The following USP24 variants were observed in gnomAD, a reference collection of about 807,000 sequenced individuals.
USP24 encodes ubiquitin carboxyl-terminal hydrolase 24.
A neutral mutation model predicts 361.6 loss-of-function variants in USP24; 97 were observed. That is an observed-to-expected ratio of 0.27 (90% CI 0.23 to 0.32). USP24 has a LOEUF of 0.32. Among genes scored for constraint, USP24 ranks in the 10% least tolerant of loss-of-function variants. The pLI is 1.00. For missense variants in USP24, 2,353 were observed against 3,165.6 expected, an observed-to-expected ratio of 0.74 and a Z score of 6.16; for synonymous variants, 1,098 against 1,124.6, an observed-to-expected ratio of 0.98 and a Z score of 0.47.
At position 55,154,231 on chromosome 1, in the gene USP24, C is replaced by A; in HGVS notation, c.1700G>T (p.Ser567Ile). 1 of 1,613,352 alleles carries A rather than the reference C, an allele frequency of 6.2e-7. No homozygotes were observed. The highest frequency in any genetic ancestry group is 8.5e-7 in the Non-Finnish European group (1 of 1,179,602). ...CTCCTCCAAGGCCTGCTGAATAAGG[C>A]TACTGGGCAGGGTTGGAAGGTGAGC... Reference protein sequence around the residue: ...ELAHLPTLPSSLIQQALEEHL... With the variant: ...ELAHLPTLPSILIQQALEEHL... The change falls in exon 15 of 68, where the codon AGC (serine) becomes ATC (isoleucine). Residue 567 changes from serine (S) to isoleucine (I), a missense_variant. Transcript: ENST00000294383.
At chr1:55,156,806 T>C (rs1264639762) in intron 12 of USP24, 142 bp downstream of exon 12, 5 of 563,204 alleles carry the variant, frequency 8.9e-6, no homozygotes, top group Non-Finnish European at 1.6e-5. Flanking sequence ...AATAAAAACC[T>C]GAAACTGTAA....
Position 55,154,202 on chromosome 1 carries a change from G to A in USP24, c.1729C>T (p.Leu577=). 1.9e-6 allele frequency: 3 copies of A among 1,613,570 alleles called. No homozygotes were observed. Among genetic ancestry groups the A allele is most frequent in the South Asian group, 2.2e-5 (2 of 91,076 alleles). ...GCATATGCATCACTAAGGATTGTCA[G>A]GTGCTCCTCCAAGGCCTGCTGAATA... The part of the protein sequence containing the change: ...SLIQQALEEH[L]TILSDAYAVK... The change falls in exon 15 of 68, where the codon CTG becomes TTG. Residue 577 remains leucine, a synonymous_variant. Coordinates refer to ENST00000294383, the MANE Select transcript of USP24 (RefSeq NM_015306.3).
chr1:55,173,164 A>G (rs748159304), intron 3 of USP24, among the ~76,000 whole-genome samples: 1 of 152,150 alleles, frequency 6.6e-6, no homozygotes, highest in Non-Finnish European at 1.5e-5. Flanking sequence ...TGACTAGATG[A>G]CAGCAGGACT....
At chr1:55,206,055 C>T (rs545912772) in intron 1 of USP24, among the ~76,000 whole-genome samples, 2 of 152,160 alleles carry the variant, frequency 1.3e-5, no homozygotes, top group Non-Finnish European at 2.9e-5. Flanking sequence ...GAACCCTGAA[C>T]AGAAAGGTAC....
intron 24 of USP24, among the ~76,000 whole-genome samples, chr1:55,141,246 T>C (rs979982830): frequency 6.6e-6 from 1 of 152,170 alleles, no homozygotes; most frequent in Non-Finnish European, 1.5e-5. Context: ...TATTTTTAAC[T>C]TGAAAAAAAG....
At chr1:55,098,229 G>T in intron 46 of USP24, 145 bp from the exon 47 acceptor site, 1 of 1,094,426 alleles carries the variant, frequency 9.1e-7, no homozygotes, top group Non-Finnish European at 1.3e-6. Context: ...AAGTTAAAAT[G>T]CCACTTTGTG....
Position 55,073,854 on chromosome 1 carries a change from G to C in USP24, c.7500C>G (p.Val2500=). Residue 2500 remains valine (V), a synonymous_variant, in exon 64 of 68, where the codon GTC becomes GTG. Transcript: ENST00000294383. The part of the protein sequence containing the change: ...HVDSSRCYQC[V]KFLVTLAQKC... The stretch of plus-strand genomic sequence containing the variant: ...TTTGAGCAAGAGTGACAAGAAATTT[G>C]ACACACTGGTAGCAGCGACTACTGT... The C allele has an allele frequency of 6.3e-7, 1 of 1,580,246 alleles. No individual in the cohort carries two copies. The highest frequency in any genetic ancestry group is 8.6e-7 in the Non-Finnish European group (1 of 1,162,276).
intron 24 of USP24, among the ~76,000 whole-genome samples, chr1:55,139,282 A>G (rs1278367087): frequency 2.6e-5 from 4 of 152,194 alleles, no homozygotes; most frequent in Non-Finnish European, 5.9e-5. Context: ...CAGTTATTCC[A>G]TAAATGGAGG....
At position 55,077,294 on chromosome 1, in the gene USP24, G is replaced by A. The variant is rs780492160; in HGVS notation, c.7321C>T (p.Leu2441=). The A allele has an allele frequency of 1.3e-6, 2 of 1,559,018 alleles. No homozygotes were observed. The highest frequency in any genetic ancestry group is 1.7e-6 in the Non-Finnish European group (2 of 1,148,412). ...FTMLHFIKNQ[L]ETAPPHELKN... is the part of the protein sequence containing the mutation. ...AACTCATGAGGTGGAGCCGTTTCTA[G>A]TTGGTTCTGAAATATTTTTTAAAAG... Residue 2441 remains leucine (L), a synonymous_variant, in exon 62 of 68, where the codon CTA becomes TTA. Transcript: ENST00000294383.
At chr1:55,127,638 G>A (rs912752733) in intron 32 of USP24, among the ~76,000 whole-genome samples, 3 of 152,206 alleles carry the variant, frequency 2.0e-5, no homozygotes, top group Admixed American at 6.5e-5. Flanking sequence ...CTGAGGAATC[G>A]TCACACTGAT....
chr1:55,199,934 G>A (rs561634210), intron 1 of USP24, among the ~76,000 whole-genome samples: 6 of 152,286 alleles, frequency 3.9e-5, no homozygotes, highest in East Asian at 3.9e-4. Flanking sequence ...AGCAAGTCAC[G>A]TCTTACATGG....
At chr1:55,107,851 A>AAAC (rs1553150220) in intron 39 of USP24, among the ~76,000 whole-genome samples, 4 of 142,944 alleles carry the variant, frequency 2.8e-5, no homozygotes, top group African/African-American at 5.3e-5. Context: ...CAAAAAAAAA[A>AAAC]AAAAAAAAAA....
chr1:55,151,261 C>T (rs1406348446), intron 16 of USP24, among the ~76,000 whole-genome samples: 1 of 152,156 alleles, frequency 6.6e-6, no homozygotes, highest in East Asian at 1.9e-4. Context: ...CTTGTTTTTC[C>T]AGACCTATCC....
chr1:55,107,504 G>A, intron 39 of USP24, 74 bp from the exon 40 acceptor site: 1 of 1,425,454 alleles, frequency 7.0e-7, no homozygotes, highest in Non-Finnish European at 9.2e-7. Context: ...CTGAATTAAA[G>A]TAAGCAAAGT....
At position 55,146,082 on chromosome 1, in the gene USP24, G is replaced by T; in HGVS notation, c.2278C>A (p.Gln760Lys). 6.2e-7 allele frequency: 1 copy of T among 1,613,000 alleles called. No homozygotes were observed. The highest frequency in any genetic ancestry group is 8.5e-7 in the Non-Finnish European group (1 of 1,179,464). Residue 760 changes from glutamine to lysine, a missense_variant, in exon 20 of 68, where the codon CAG (glutamine) becomes AAG (lysine). Gln to Lys is a moderately conservative substitution (Grantham distance 53). Coordinates refer to ENST00000294383, the MANE Select transcript of USP24 (RefSeq NM_015306.3). ...TGAACATCACTCTCAAGATCATGCT[G>T]TCCTTTTGTAAACCATTCAAAACAC... ...EMCFEWFTKG[Q>K]HDLESDVQQQ...
chr1:55,162,713 A>C (rs1348188745), intron 7 of USP24, among the ~76,000 whole-genome samples: 1 of 152,188 alleles, frequency 6.6e-6, no homozygotes, highest in Admixed American at 6.6e-5. Context: ...AAAGACCATT[A>C]TTGTAAAAAC....
At chr1:55,153,743 C>G (rs1355315981) in intron 16 of USP24, 127 bp downstream of exon 16, 2 of 1,061,218 alleles carry the variant, frequency 1.9e-6, no homozygotes, top group African/African-American at 3.2e-5. Context: ...AATTTTTAGA[C>G]ATCAAGTTTA....
Position 55,165,809 on chromosome 1 carries a change from G to T in USP24, c.927+76C>A, listed in dbSNP as rs1454139582. Reference sequence around the variant, plus strand: ...TTTAACATTTAACTTGGCATGTCCAGACCATATCCTCTGGCTGTACACCAA... The same window carrying T: ...TTTAACATTTAACTTGGCATGTCCATACCATATCCTCTGGCTGTACACCAA... On this transcript the variant is annotated intron_variant, in intron 7 of 67. Transcript: ENST00000294383. 6.2e-6 allele frequency: 8 copies of T among 1,296,874 alleles called. No homozygotes were observed. The African/African-American group carries it at 7.5e-5, about 12-fold the overall frequency. 80.3% of individuals were successfully genotyped at this position (1,296,874 alleles called of 1,614,324 possible).
intron 1 of USP24, among the ~76,000 whole-genome samples, chr1:55,214,499 C>T (rs990743432): frequency 6.6e-6 from 1 of 152,078 alleles, no homozygotes; most frequent in African/African-American, 2.4e-5. Flanking sequence ...CGTCGGCGTG[C>T]ATAGCCGGAA....
Sources: allele counts gnomAD v4.1 joint callset (sites outside exome capture counted in the v4.1 genomes callset), GRCh38; gene constraint gnomAD v4.1.1; transcripts MANE v1.5; gene names NCBI Gene and HGNC (gene_info 2026-07-23, HGNC 2026-07-21).